Variants in PTPRN2 observed in about 807,000 individuals in gnomAD.
PTPRN2 encodes protein tyrosine phosphatase receptor type N2.
Under a neutral mutation model 118.8 loss-of-function variants are expected in PTPRN2, and 74 were observed. The observed-to-expected ratio is 0.62, with a 90% CI of 0.52 to 0.76. The LOEUF is 0.76. Among genes scored for constraint, PTPRN2 ranks in the 30% least tolerant of loss-of-function variants. The pLI, the probability that PTPRN2 is intolerant of heterozygous loss-of-function variation, is 0.00. For missense variants in PTPRN2, 1,481 were observed against 1,394.4 expected (o/e 1.06, Z -0.99); for synonymous variants, 641 against 608.0 (o/e 1.05, Z -0.80).
At chr7:158,521,526 C>G (rs10259438) in intron 1 of PTPRN2, among the ~76,000 whole-genome samples, 6 of 61,234 alleles carry the variant, frequency 9.8e-5, no homozygotes, top group Admixed American at 8.8e-4. Context: ...GGTGCTGGCT[C>G]AGGAGGAAGG....
chr7:157,616,818 C>T (rs1390563947), intron 15 of PTPRN2: 2 of 151,920 alleles, frequency 1.3e-5, no homozygotes, highest in African/African-American at 2.4e-5. Context: ...GCAAAATATT[C>T]CTCTTAGGGG....
intron 11 of PTPRN2, among the ~76,000 whole-genome samples, chr7:157,938,136 C>A (rs915760622): frequency 6.6e-6 from 1 of 152,188 alleles, no homozygotes; most frequent in Non-Finnish European, 1.5e-5. Flanking sequence ...GAGGTCACCT[C>A]GAAGTGGGCC....
intron 12 of PTPRN2, among the ~76,000 whole-genome samples, chr7:157,723,200 G>A (rs544058890): frequency 5.3e-5 from 8 of 152,348 alleles, no homozygotes; most frequent in African/African-American, 1.7e-4. Flanking sequence ...AACATAGAAT[G>A]TGGGGCCCTG....
At chr7:158,342,318 C>G (rs1807039120) in intron 2 of PTPRN2, among the ~76,000 whole-genome samples, 1 of 136,888 alleles carries the variant, frequency 7.3e-6, no homozygotes, top group Non-Finnish European at 1.6e-5. Context: ...CTCACACCCA[C>G]ACTCTCACCA....
chr7:157,747,665 G>C (rs1490241010), intron 12 of PTPRN2, among the ~76,000 whole-genome samples: 3 of 132,110 alleles, frequency 2.3e-5, no homozygotes, highest in Non-Finnish European at 3.2e-5. Flanking sequence ...CTGCGTCCCT[G>C]AGCTGTGGGC....
rs552584158 is a variant in PTPRN2, at chr7:158,308,177, G to T, written c.277+8642C>A. The stretch of plus-strand genomic sequence containing the variant: ...TAATTTCTCATCTGAGACTATGAAG[G>T]CCAAGAGGCAGTGGAATGATATATT... On this transcript the variant is annotated intron_variant, in intron 3 of 22. Transcript: ENST00000389418. Among the ~76,000 whole-genome samples, 6 of 152,244 alleles carry T rather than the reference G, an allele frequency of 3.9e-5. No individual in the cohort carries two copies. In the South Asian group the frequency reaches 1.2e-3, roughly 32 times the overall value.
chr7:158,586,251 T>C (rs546756516), intron 1 of PTPRN2, among the ~76,000 whole-genome samples: 4 of 152,232 alleles, frequency 2.6e-5, no homozygotes, highest in Admixed American at 6.5e-5. Flanking sequence ...CAGGGGACTC[T>C]GGCTTGAGGG....
chr7:157,820,746 C>G (rs1806787174), intron 12 of PTPRN2, among the ~76,000 whole-genome samples: 1 of 152,218 alleles, frequency 6.6e-6, no homozygotes, highest in Admixed American at 6.5e-5. Context: ...CAGAGCATTT[C>G]TTCTTTTGCA....
intron 16 of PTPRN2, among the ~76,000 whole-genome samples, chr7:157,600,861 G>A (rs1323241815): frequency 6.6e-6 from 1 of 152,126 alleles, no homozygotes; most frequent in Non-Finnish European, 1.5e-5. Flanking sequence ...AATTTCTTAT[G>A]CTAGTCAGAA....
At chr7:158,288,277 T>C (rs1475549218) in intron 3 of PTPRN2, among the ~76,000 whole-genome samples, 1 of 152,178 alleles carries the variant, frequency 6.6e-6, no homozygotes. Flanking sequence ...ATGTAATCCA[T>C]TTACATTCAC....
intron 2 of PTPRN2, among the ~76,000 whole-genome samples, chr7:158,415,286 A>T (rs570663180): frequency 6.6e-6 from 1 of 152,164 alleles, no homozygotes; most frequent in Non-Finnish European, 1.5e-5. Context: ...AACAAAAACA[A>T]CCTGTAGCAG....
chr7:158,337,208 A>G (rs1251965802), intron 2 of PTPRN2, among the ~76,000 whole-genome samples: 1 of 152,068 alleles, frequency 6.6e-6, no homozygotes, highest in African/African-American at 2.4e-5. Context: ...ATAAGAGGTG[A>G]CACTTGCAGA....
At chr7:157,782,106 G>A (rs1339404078) in intron 12 of PTPRN2, among the ~76,000 whole-genome samples, 1 of 152,250 alleles carries the variant, frequency 6.6e-6, no homozygotes, top group Non-Finnish European at 1.5e-5. Context: ...TGCCAAAGGT[G>A]TGGGTGGATT....
At chr7:158,329,999 C>T (rs995430198) in intron 2 of PTPRN2, among the ~76,000 whole-genome samples, 7 of 151,920 alleles carry the variant, frequency 4.6e-5, no homozygotes, top group Middle Eastern at 6.8e-3. Context: ...CGCCCGCAGA[C>T]GACACTCACA....
intron 12 of PTPRN2, among the ~76,000 whole-genome samples, chr7:157,730,967 T>C (rs1799864608): frequency 6.6e-6 from 1 of 152,170 alleles, no homozygotes; most frequent in Non-Finnish European, 1.5e-5. Flanking sequence ...CCCTCTTTTG[T>C]GGCAGGTGAG....
intron 14 of PTPRN2, among the ~76,000 whole-genome samples, chr7:157,624,969 A>AT (rs1257098793): frequency 1.3e-5 from 2 of 151,776 alleles, no homozygotes; most frequent in African/African-American, 4.9e-5. Context: ...ACCAACAGAC[A>AT]TATGAAAAAA....
intron 2 of PTPRN2, among the ~76,000 whole-genome samples, chr7:158,374,011 T>C (rs1435526876): frequency 6.6e-6 from 1 of 151,902 alleles, no homozygotes; most frequent in Non-Finnish European, 1.5e-5. Context: ...ACGGGCAGAG[T>C]GTGATGACTG....
At chr7:157,685,085 CCTCGCCT>C (rs974145805) in intron 12 of PTPRN2, among the ~76,000 whole-genome samples, 15 of 152,088 alleles carry the variant, frequency 9.9e-5, no homozygotes, top group Admixed American at 2.6e-4. Flanking sequence ...GCCCCTCGCC[CCTCGCCT>C]CTCGCCTCCC....
chr7:158,251,402 C>T (rs1796646734), intron 3 of PTPRN2, among the ~76,000 whole-genome samples: 1 of 152,088 alleles, frequency 6.6e-6, no homozygotes, highest in African/African-American at 2.4e-5. Flanking sequence ...GTATACAGTG[C>T]ATGTGGGGCG....
Sources: gnomAD v4.1 joint callset for allele counts (sites outside exome capture counted in the v4.1 genomes callset) on GRCh38, gnomAD v4.1.1 for gene constraint, MANE v1.5 for transcripts, NCBI Gene and HGNC (gene_info 2026-07-23, HGNC 2026-07-21) for gene names.